Variants in NAA16 observed in about 807,000 individuals in gnomAD.
NAA16 encodes NARG1-like protein.
In NAA16, 97 loss-of-function variants were observed where a neutral mutation model predicts 110.3. The ratio of observed to expected loss-of-function variants is 0.88; its 90% CI spans 0.75 to 1.04. NAA16 has a LOEUF of 1.04. Ranked by LOEUF, NAA16 falls within the 50% of genes least tolerant of loss-of-function variation. The pLI is 0.00. For synonymous variants in NAA16, 372 were observed against 330.6 expected (o/e 1.13, Z -1.36); for missense variants, 1,017 against 1,005.1 (o/e 1.01, Z -0.16).
chr13:41,374,696 G>T (rs766554087), intron 18 of NAA16, 46 bp from the exon 19 acceptor site: 2 of 1,241,160 alleles, frequency 1.6e-6, no homozygotes, highest in South Asian at 1.3e-5. Flanking sequence ...CACATAAAAT[G>T]TAAAGTATAG....
At position 41,355,140 on chromosome 13, in the gene NAA16, A is replaced by G. The variant is rs1178972488; in HGVS notation, c.1015-4A>G. On this transcript the variant is annotated splice_region_variant and splice_polypyrimidine_tract_variant and intron_variant, in intron 9 of 19. Coordinates refer to ENST00000379406, the MANE Select transcript of NAA16 (RefSeq NM_024561.5). The stretch of plus-strand genomic sequence containing the variant: ...TAAATTTTAAAAATATGTTTCTTTA[A>G]CAGGTTTCTATAATCCAGGAACTTG... 6.5e-7 allele frequency: 1 copy of G among 1,539,908 alleles called. No individual in the cohort carries two copies.
At chr13:41,334,454 C>T (rs898691899) in intron 8 of NAA16, among the ~76,000 whole-genome samples, 4 of 152,106 alleles carry the variant, frequency 2.6e-5, no homozygotes, top group African/African-American at 9.7e-5. Context: ...TTATTTAGAA[C>T]GGATTTCCAG....
intron 4 of NAA16, among the ~76,000 whole-genome samples, chr13:41,321,543 C>A (rs920699630): frequency 6.6e-6 from 1 of 152,100 alleles, no homozygotes; most frequent in African/African-American, 2.4e-5. Flanking sequence ...TTGATATTTA[C>A]AAATTTGATA....
chr13:41,318,787 T>C lies in NAA16; in HGVS notation c.140-19T>C. On this transcript the variant is annotated intron_variant, in intron 2 of 19. Transcript: ENST00000379406. ...AATTTTGTGTCATTTGTAAATAGAG[T>C]TTAAAAATTATTTTTCAGAGACTTT... is the stretch of plus-strand genomic sequence containing the variant. The C allele has an allele frequency of 7.1e-7, 1 of 1,402,998 alleles. No individual in the cohort carries two copies. The highest frequency in any genetic ancestry group is 1.4e-5 in the South Asian group (1 of 73,896). 86.9% of individuals were successfully genotyped at this position (1,402,998 alleles called of 1,614,324 possible). A position where few individuals can be genotyped will look rare whatever the true frequency, so the allele number is the denominator to read the frequency against.
Position 41,333,244 on chromosome 13 carries a change from CTT to C in NAA16, c.907+1877_907+1878del, listed in dbSNP as rs999816115. Among the ~76,000 whole-genome samples the C allele has an allele frequency of 1.1e-4, 16 of 152,230 alleles. No individual in the cohort carries two copies. In the South Asian group the frequency reaches 2.5e-3, roughly 24 times the overall value. ...CATTTCTGTATTTCTTCCTTCTCCT[CTT>C]TGTTTTAAAAAATAATAGCTTTTTG... On this transcript the variant is annotated intron_variant, in intron 8 of 19. Coordinates refer to ENST00000379406, the MANE Select transcript of NAA16 (RefSeq NM_024561.5).
intron 8 of NAA16, among the ~76,000 whole-genome samples, chr13:41,332,544 G>A (rs1277071039): frequency 6.6e-6 from 1 of 152,116 alleles, no homozygotes; most frequent in Non-Finnish European, 1.5e-5. Context: ...TCTTTGTTGA[G>A]TTTTTAAAAA....
chr13:41,358,988 T>C, intron 12 of NAA16, 26 bp downstream of exon 12: 1 of 1,559,864 alleles, frequency 6.4e-7, no homozygotes, highest in South Asian at 1.2e-5. Flanking sequence ...CATGAGCATG[T>C]AATTGTCTAA....
intron 8 of NAA16, among the ~76,000 whole-genome samples, chr13:41,334,882 T>C (rs2042336848): frequency 7.3e-6 from 1 of 136,682 alleles, no homozygotes; most frequent in Non-Finnish European, 1.6e-5. Flanking sequence ...AGCCAAAATA[T>C]GTGTGGGAGA....
chr13:41,331,757 A>G (rs2042244930), intron 8 of NAA16, among the ~76,000 whole-genome samples: 1 of 152,046 alleles, frequency 6.6e-6, no homozygotes, highest in East Asian at 1.9e-4. Context: ...GTTAACAACA[A>G]TATACTGTAT....
intron 16 of NAA16, 117 bp from the exon 17 acceptor site, chr13:41,372,615 T>C: frequency 2.2e-6 from 3 of 1,340,230 alleles, no homozygotes; most frequent in Non-Finnish European, 2.9e-6. Flanking sequence ...TAATTTTGCT[T>C]ACGAGTGTTA....
intron 1 of NAA16, among the ~76,000 whole-genome samples, chr13:41,313,441 A>G (rs911182539): frequency 1.3e-5 from 2 of 152,230 alleles, no homozygotes; most frequent in Non-Finnish European, 2.9e-5. Context: ...TAAACGAATG[A>G]TTTTATCATT....
chr13:41,318,844 G>A lies in NAA16; in HGVS notation c.178G>A (p.Gly60Arg), dbSNP rs749882977. The change falls in exon 3 of 20, where the codon GGA becomes AGA. Residue 60 changes from glycine to arginine, a missense_variant. Gly to Arg is a moderately radical substitution (Grantham distance 125). Coordinates refer to ENST00000379406, the MANE Select transcript of NAA16 (RefSeq NM_024561.5). ...GAAAGGATTAACACTGAACTGTTTA[G>A]GAAAAAAAGAAGAAGCTTATGAGTT... ...AMKGLTLNCL[G>R]KKEEAYEFVR... The A allele has an allele frequency of 5.6e-6, 9 of 1,602,034 alleles. No homozygotes were observed. Among genetic ancestry groups the A allele is most frequent in the African/African-American group, 1.3e-5 (1 of 74,302 alleles).
chr13:41,369,947 G>A (rs2043284517), intron 15 of NAA16, among the ~76,000 whole-genome samples: 1 of 152,066 alleles, frequency 6.6e-6, no homozygotes, highest in Non-Finnish European at 1.5e-5. Context: ...ATAAATATTT[G>A]GTAATTTGTT....
intron 12 of NAA16, among the ~76,000 whole-genome samples, chr13:41,361,823 C>G (rs965547439): frequency 6.6e-6 from 1 of 152,058 alleles, no homozygotes; most frequent in African/African-American, 2.4e-5. Context: ...AGACCATGGT[C>G]GACTGTGGGT....
chr13:41,321,053 A>C (rs2041932780), intron 4 of NAA16, among the ~76,000 whole-genome samples: 1 of 152,236 alleles, frequency 6.6e-6, no homozygotes. Flanking sequence ...TAATCCCAGC[A>C]GTTTGGGAGG....
chr13:41,351,084 G>A (rs1380904251), intron 9 of NAA16, among the ~76,000 whole-genome samples: 1 of 152,120 alleles, frequency 6.6e-6, no homozygotes, highest in Non-Finnish European at 1.5e-5. Context: ...TGCCTAGGCT[G>A]GTACACTTTG....
At chr13:41,324,525 A>C (rs2042037591) in intron 5 of NAA16, among the ~76,000 whole-genome samples, 1 of 149,910 alleles carries the variant, frequency 6.7e-6, no homozygotes, top group Non-Finnish European at 1.5e-5. Context: ...ACAGGCCCCC[A>C]CCACTGGGTC....
At chr13:41,325,337 T>G (rs1183059100) in intron 5 of NAA16, among the ~76,000 whole-genome samples, 1 of 152,180 alleles carries the variant, frequency 6.6e-6, no homozygotes, top group Non-Finnish European at 1.5e-5. Flanking sequence ...CCACAATATC[T>G]CCAAGGTATA....
At chr13:41,331,664 T>G (rs2042242333) in intron 8 of NAA16, among the ~76,000 whole-genome samples, 1 of 151,730 alleles carries the variant, frequency 6.6e-6, no homozygotes, top group African/African-American at 2.4e-5. Context: ...GGGGGAGAGA[T>G]GAAGAGAGGT....
Sources: gnomAD v4.1 joint callset for allele counts (sites outside exome capture counted in the v4.1 genomes callset) on GRCh38, gnomAD v4.1.1 for gene constraint, MANE v1.5 for transcripts, NCBI Gene and HGNC (gene_info 2026-07-23, HGNC 2026-07-21) for gene names.